The following RASIP1 variants were observed in gnomAD, a reference collection of about 807,000 sequenced individuals.
The protein encoded by RASIP1 is Ras interacting protein 1.
A neutral mutation model predicts 85.3 loss-of-function variants in RASIP1; 20 were observed. The observed-to-expected ratio is 0.23, with a 90% CI of 0.17 to 0.34. The LOEUF is 0.34. RASIP1 is among the 10% of genes least tolerant of loss of function. The pLI is 1.00. For synonymous variants in RASIP1, 617 were observed against 647.1 expected (o/e 0.95, Z 0.71); for missense variants, 1,170 against 1,390.9 (o/e 0.84, Z 2.53).
rs2033444751 is a variant in RASIP1 at position 48,730,905 on chromosome 19, T to A, written c.1180-1315A>T. On this transcript the variant is annotated intron_variant, in intron 4 of 11. Coordinates refer to ENST00000222145, the MANE Select transcript of RASIP1 (RefSeq NM_017805.3). ...GGTGGCGCATGACTGTAGTCCCAGC[T>A]ACTTGGGAGGCTGAGGCACAAGAAT... Among the ~76,000 whole-genome samples the A allele has an allele frequency of 2.6e-5, 4 of 152,112 alleles. No individual in the cohort carries two copies. The South Asian group carries it at 8.3e-4, about 31-fold the overall frequency.
At chr19:48,732,356 C>T (rs1262526510) in intron 4 of RASIP1, among the ~76,000 whole-genome samples, 2 of 151,750 alleles carry the variant, frequency 1.3e-5, no homozygotes, top group Non-Finnish European at 2.9e-5. Context: ...CCCAGGTTCC[C>T]GCCATTCTCC....
At chr19:48,723,253 G>A (rs2033282052) in intron 10 of RASIP1, among the ~76,000 whole-genome samples, 7 of 152,226 alleles carry the variant, frequency 4.6e-5, no homozygotes. Context: ...TATTTAAGAA[G>A]AAAGGAAAAT....
At position 48,721,920 on chromosome 19, in the gene RASIP1, C is replaced by T; in HGVS notation, c.2626G>A (p.Gly876Ser). 1 of 1,599,376 alleles carries T rather than the reference C, an allele frequency of 6.3e-7. No individual in the cohort carries two copies. Among genetic ancestry groups the T allele is most frequent in the Non-Finnish European group, 8.5e-7 (1 of 1,173,326 alleles). Reference sequence around the variant, plus strand: ...GCGGCTGGCGGCCCGCGGCCAGGGCCCAGCTGATAGTGGCTGAGCAGATGG... The same window carrying T: ...GCGGCTGGCGGCCCGCGGCCAGGGCTCAGCTGATAGTGGCTGAGCAGATGG... The part of the protein sequence containing the change: ...LHHLLSHYQL[G>S]PGRGPPAAWD... The change falls in exon 11 of 12, where the codon GGC becomes AGC. Residue 876 changes from glycine (G) to serine (S), a missense_variant. Physicochemically the swap from Gly to Ser is moderately conservative, Grantham distance 56. Around this residue, in one of 4 missense-constraint regions of RASIP1, gnomAD observed 144 missense variants for 125.5 expected, o/e 1.15. Coordinates refer to ENST00000222145, the MANE Select transcript of RASIP1 (RefSeq NM_017805.3).
intron 3 of RASIP1, chr19:48,737,689 C>A (rs1225785387): frequency 1.0e-6 from 1 of 985,296 alleles, no homozygotes; most frequent in Non-Finnish European, 1.2e-6. Flanking sequence ...TCAGTAGCCA[C>A]CTCAACCTAC....
At chr19:48,726,984 C>G in intron 7 of RASIP1, 23 bp downstream of exon 7, 2 of 1,613,748 alleles carry the variant, frequency 1.2e-6, no homozygotes, top group African/African-American at 1.3e-5. Flanking sequence ...CTTGGACAAG[C>G]CTGAGCCTGA....
rs1257993367 is a variant in RASIP1 at position 48,727,075 on chromosome 19, T to A, written c.1955A>T (p.Asn652Ile). Reference sequence around the variant, plus strand: ...CACAAAGCTAAGCAGCTCCGTGGTGTTGGCCATCCACAGCATGAGTGGCCG... The same window carrying A: ...CACAAAGCTAAGCAGCTCCGTGGTGATGGCCATCCACAGCATGAGTGGCCG... ...ELRPLMLWMA[N>I]TTELLSFVQE... The change falls in exon 7 of 12, where the codon AAC (asparagine) becomes ATC (isoleucine). Residue 652 changes from asparagine (N) to isoleucine (I), a missense_variant. Transcript: ENST00000222145. The A allele has an allele frequency of 8.1e-6, 13 of 1,614,178 alleles. No individual in the cohort carries two copies. Among genetic ancestry groups the A allele is most frequent in the Non-Finnish European group, 1.1e-5 (13 of 1,180,034 alleles).
In RASIP1 at chr19:48,724,201, C is replaced by T; in HGVS notation, c.2544+136G>A. On this transcript the variant is annotated intron_variant, in intron 10 of 11. Transcript: ENST00000222145. The surrounding 1 kb of genome is among the most constrained non-coding windows in gnomAD (Gnocchi z 4.6). ...CTTCCTTCTACCTGCCAATGTGTTACCCACAGTGTCTGAGCTGGGGCTGGG... is the reference window on the plus strand; with the variant it reads ...CTTCCTTCTACCTGCCAATGTGTTATCCACAGTGTCTGAGCTGGGGCTGGG... The T allele has an allele frequency of 2.3e-6, 2 of 867,742 alleles. No individual in the cohort carries two copies. Among genetic ancestry groups the T allele is most frequent in the Admixed American group, 2.9e-5 (1 of 34,612 alleles). The allele number at this position is 867,742 out of a possible 1,614,324, so 53.8% of individuals were successfully genotyped here.
Position 48,727,573 on chromosome 19 carries a change from C to T in RASIP1, c.1834-143G>A, listed in dbSNP as rs1480628951. The T allele has an allele frequency of 1.4e-5, 12 of 837,810 alleles. No individual in the cohort carries two copies. In the East Asian group the frequency reaches 1.6e-4, roughly 11 times the overall value. The allele number at this position is 837,810 out of a possible 1,614,324, so 51.9% of individuals were successfully genotyped here. On this transcript the variant is annotated intron_variant, in intron 5 of 11. Transcript: ENST00000222145. The stretch of plus-strand genomic sequence containing the variant: ...AGATGGGGTCTTACTATGTTGCCAC[C>T]GGTGGTCTCCAACTCCTGAGCTCAA...
chr19:48,732,889 A>G (rs1450348077), intron 4 of RASIP1, among the ~76,000 whole-genome samples: 1 of 152,174 alleles, frequency 6.6e-6, no homozygotes, highest in African/African-American at 2.4e-5. Context: ...CGAATAAGCT[A>G]CACCACCTTC....
At position 48,739,085 on chromosome 19, in the gene RASIP1, T is replaced by C; in HGVS notation, c.698A>G (p.Glu233Gly). ...CAGCTCCTGCACCAGCAGCGGGCGC[T>C]CGGAGTCGCCCAGCACGCGCAGGTG... The part of the protein sequence containing the change: ...AEHLRVLGDS[E>G]RPLLVQELWR... Residue 233 changes from glutamate (E) to glycine (G), a missense_variant, in exon 3 of 12, where the codon GAG becomes GGG. Physicochemically the swap from Glu to Gly is moderately conservative, Grantham distance 98 (BLOSUM62 -2). Around this residue, in one of 4 missense-constraint regions of RASIP1, gnomAD observed 299 missense variants for 394.4 expected, o/e 0.76. Coordinates refer to ENST00000222145, the MANE Select transcript of RASIP1 (RefSeq NM_017805.3). The surrounding 1 kb of genome is among the most constrained non-coding windows in gnomAD (Gnocchi z 9.2). 7.7e-7 allele frequency: 1 copy of C among 1,297,032 alleles called. No homozygotes were observed. The highest frequency in any genetic ancestry group is 9.7e-7 in the Non-Finnish European group (1 of 1,027,032). 80.3% of individuals were successfully genotyped at this position (1,297,032 alleles called of 1,614,324 possible).
rs1056335623 is a variant in RASIP1 at position 48,738,978 on chromosome 19, C to T, written c.805G>A (p.Gly269Arg). The T allele has an allele frequency of 4.9e-6, 6 of 1,230,756 alleles. No individual in the cohort carries two copies. Among genetic ancestry groups the T allele is most frequent in the East Asian group, 6.7e-5 (2 of 29,864 alleles). The allele number at this position is 1,230,756 out of a possible 1,614,324, so 76.2% of individuals were successfully genotyped here. ...EARRLEQEAF[G>R]AADSEGTGAP... ...CGCTCACCTTCGCTGTCCGCGGCCC[C>T]GAAGGCCTCCTGCTCCAGGCGCCGC... is the stretch of plus-strand genomic sequence containing the variant. Residue 269 changes from glycine (G) to arginine (R), a missense_variant, in exon 3 of 12, where the codon GGG becomes AGG. This residue lies in a region of RASIP1 where 301 missense variants were observed against 294.8 expected (regional missense o/e 1.02). Transcript: ENST00000222145. This position sits in a 1 kb window ranked among gnomAD's most constrained non-coding sequence, Gnocchi z 4.0.
intron 3 of RASIP1, chr19:48,737,895 C>G: frequency 1.0e-6 from 1 of 985,330 alleles, no homozygotes; most frequent in Non-Finnish European, 1.2e-6. Flanking sequence ...CTTCCGGCTC[C>G]TAGGTCTCCA....
intron 10 of RASIP1, among the ~76,000 whole-genome samples, chr19:48,722,869 T>C (rs773611205): frequency 1.3e-5 from 2 of 152,134 alleles, no homozygotes; most frequent in Non-Finnish European, 2.9e-5. Context: ...CTGGGGCTTA[T>C]TAAATGCATG....
chr19:48,739,497 A>T lies in RASIP1; in HGVS notation c.286T>A (p.Ser96Thr). 6.6e-7 allele frequency: 1 copy of T among 1,507,126 alleles called. No individual in the cohort carries two copies. The highest frequency in any genetic ancestry group is 8.8e-7 in the Non-Finnish European group (1 of 1,133,900). 93.4% of individuals were successfully genotyped at this position (1,507,126 alleles called of 1,614,324 possible). A position where few individuals can be genotyped will look rare whatever the true frequency, so the allele number is the denominator to read the frequency against. Reference sequence around the variant, plus strand: ...CTGGACCCCGTGGTCCCGGTCCCCGAGCCCCGGAAGAGCTGGGAGATGCGC... The same window carrying T: ...CTGGACCCCGTGGTCCCGGTCCCCGTGCCCCGGAAGAGCTGGGAGATGCGC... The part of the protein sequence containing the change: ...AKRISQLFRG[S>T]GTGTTGSSGA... The change falls in exon 3 of 12, where the codon TCG (serine) becomes ACG (threonine). Residue 96 changes from serine to threonine, a missense_variant. Physicochemically the swap from Ser to Thr is moderately conservative, Grantham distance 58 (BLOSUM62 1). Around this residue, in one of 4 missense-constraint regions of RASIP1, gnomAD observed 299 missense variants for 394.4 expected, o/e 0.76. Coordinates refer to ENST00000222145, the MANE Select transcript of RASIP1 (RefSeq NM_017805.3). The surrounding 1 kb of genome is among the most constrained non-coding windows in gnomAD (Gnocchi z 9.2).
At position 48,728,964 on chromosome 19, in the gene RASIP1, C is replaced by A; in HGVS notation, c.1806G>T (p.Leu602=). Residue 602 remains leucine, a synonymous_variant, in exon 5 of 12, where the codon CTG becomes CTT. Transcript: ENST00000222145. ...LGHLPRLLGR[L]ARLIKEAVWE... ...AGACGGCCTCCTTGATGAGCCGGGCCAGGCGGCCCAGCAGTCGTGGCAGGT... is the reference window on the plus strand; with the variant it reads ...AGACGGCCTCCTTGATGAGCCGGGCAAGGCGGCCCAGCAGTCGTGGCAGGT... 3 of 1,460,762 alleles carry A rather than the reference C, an allele frequency of 2.1e-6. No homozygotes were observed. The highest frequency in any genetic ancestry group is 2.7e-6 in the Non-Finnish European group (3 of 1,115,452). The allele number at this position is 1,460,762 out of a possible 1,614,324, so 90.5% of individuals were successfully genotyped here.
chr19:48,728,939 A>G lies in RASIP1; in HGVS notation c.1831T>C (p.Trp611Arg). 1 of 1,446,692 alleles carries G rather than the reference A, an allele frequency of 6.9e-7. No individual in the cohort carries two copies. Among genetic ancestry groups the G allele is most frequent in the South Asian group, 1.4e-5 (1 of 73,250 alleles). 89.6% of individuals were successfully genotyped at this position (1,446,692 alleles called of 1,614,324 possible). Residue 611 changes from tryptophan (W) to arginine (R), a missense_variant and splice_region_variant, in exon 5 of 12, where the codon TGG becomes CGG. Physicochemically the swap from Trp to Arg is moderately radical, Grantham distance 101 (BLOSUM62 -3). Around this residue, in one of 4 missense-constraint regions of RASIP1, gnomAD observed 426 missense variants for 576.2 expected, o/e 0.74. Transcript: ENST00000222145. ...RLARLIKEAV[W>R]EKIKEIGDRQ... The stretch of plus-strand genomic sequence containing the variant: ...GACGGCGATTGGGGGGCGCTCACCC[A>G]GACGGCCTCCTTGATGAGCCGGGCC...
At position 48,720,987 on chromosome 19, in the gene RASIP1, G is replaced by C; in HGVS notation, c.2703C>G (p.Phe901Leu). The C allele has an allele frequency of 1.9e-6, 3 of 1,603,460 alleles. No homozygotes were observed. The highest frequency in any genetic ancestry group is 2.6e-6 in the Non-Finnish European group (3 of 1,175,612). ...GGGGCGGGTGCGAGGAGAAGCTTTC[G>C]AAGATGTCCCCTGTGAGGCCGAAGG... Reference protein sequence around the residue: ...EREAVDTGDIFESFSSHPPLI... With the variant: ...EREAVDTGDILESFSSHPPLI... The change falls in exon 12 of 12, where the codon TTC becomes TTG. Residue 901 changes from phenylalanine (F) to leucine (L), a missense_variant. Transcript: ENST00000222145.
In RASIP1 at chr19:48,739,474, G is replaced by A; in HGVS notation, c.309C>T (p.Ser103=). Reference sequence around the variant, plus strand: ...GGGTCCCAGGGCCTCCTGCGCCGCTGGACCCCGTGGTCCCGGTCCCCGAGC... The same window carrying A: ...GGGTCCCAGGGCCTCCTGCGCCGCTAGACCCCGTGGTCCCGGTCCCCGAGC... The part of the protein sequence containing the change: ...FRGSGTGTTG[S]SGAGGPGTPG... The change falls in exon 3 of 12, where the codon TCC becomes TCT. Residue 103 remains serine, a synonymous_variant. Transcript: ENST00000222145. This position sits in a 1 kb window ranked among gnomAD's most constrained non-coding sequence, Gnocchi z 9.2. The A allele has an allele frequency of 6.7e-7, 1 of 1,489,114 alleles. No homozygotes were observed. The highest frequency in any genetic ancestry group is 8.9e-7 in the Non-Finnish European group (1 of 1,125,702). 92.2% of individuals were successfully genotyped at this position (1,489,114 alleles called of 1,614,324 possible).
chr19:48,731,482 CG>C (rs1299127140), intron 4 of RASIP1, among the ~76,000 whole-genome samples: 1 of 152,136 alleles, frequency 6.6e-6, no homozygotes, highest in Non-Finnish European at 1.5e-5. Flanking sequence ...GGTCATTCCA[CG>C]GATAAATAAA....
Sources: allele counts gnomAD v4.1 joint callset (sites outside exome capture counted in the v4.1 genomes callset), GRCh38; gene constraint gnomAD v4.1.1; regional missense constraint gnomAD v4.1.1; non-coding constraint Gnocchi (gnomAD v3.1); transcripts MANE v1.5; gene names NCBI Gene and HGNC (gene_info 2026-07-23, HGNC 2026-07-21).